Variants in SORCS3 observed in about 807,000 individuals in gnomAD.
SORCS3 encodes sortilin related VPS10 domain containing receptor 3.
SORCS3 carries 57 observed loss-of-function variants against 146.3 expected under a neutral mutation model. The ratio of observed to expected loss-of-function variants is 0.39; its 90% CI spans 0.31 to 0.49. The LOEUF (loss-of-function observed/expected upper bound fraction) is 0.49, where lower values mean the gene tolerates loss of function less well. SORCS3 is among the 20% of genes least tolerant of loss of function. The probability of loss-of-function intolerance (pLI) is 0.92; values close to 1 mark genes in which losing one functional copy is unlikely to be tolerated. For synonymous variants in SORCS3, 653 were observed against 618.5 expected (o/e 1.06, Z -0.83); for missense variants, 1,341 against 1,575.5 (o/e 0.85, Z 2.52).
At chr10:104,775,951 A>G (rs948893477) in intron 1 of SORCS3, among the ~76,000 whole-genome samples, 1 of 152,142 alleles carries the variant, frequency 6.6e-6, no homozygotes, top group African/African-American at 2.4e-5. Context: ...TTTCTTTCCT[A>G]TTCTTTTATT....
intron 4 of SORCS3, among the ~76,000 whole-genome samples, chr10:105,025,259 C>CT (rs747782234): frequency 4.6e-5 from 7 of 152,136 alleles, no homozygotes; most frequent in Non-Finnish European, 8.8e-5. Context: ...GCCCTTTACA[C>CT]TTTAAAAGCA....
intron 1 of SORCS3, among the ~76,000 whole-genome samples, chr10:104,789,282 TC>T (rs1420044849): frequency 6.6e-6 from 1 of 152,182 alleles, no homozygotes; most frequent in Non-Finnish European, 1.5e-5. Flanking sequence ...GCCTTGGGCA[TC>T]TGATAGGTGC....
At chr10:105,040,705 CACCAGGT>C (rs768060010) in intron 4 of SORCS3, among the ~76,000 whole-genome samples, 1,941 of 152,074 alleles carry the variant, frequency 0.013, 25 homozygotes, top group African/African-American at 0.034. Context: ...GTGTTTTATT[CACCAGGT>C]TGGTGAATAA....
At chr10:105,226,268 G>C (rs993989830) in intron 20 of SORCS3, among the ~76,000 whole-genome samples, 1 of 151,806 alleles carries the variant, frequency 6.6e-6, no homozygotes, top group African/African-American at 2.4e-5. Flanking sequence ...TATCATTAAC[G>C]ATGTTAATTT....
At chr10:104,779,886 A>G (rs1007491240) in intron 1 of SORCS3, among the ~76,000 whole-genome samples, 2 of 152,202 alleles carry the variant, frequency 1.3e-5, no homozygotes, top group Non-Finnish European at 2.9e-5. Context: ...AGGGCGGTGT[A>G]TGTCAGTGCT....
rs146399899 is a variant in SORCS3, at chr10:104,830,215, C to T, written c.628-12577C>T. 3.3e-3 allele frequency among the ~76,000 whole-genome samples: 510 copies of T among 152,270 alleles called. 3 individuals are homozygous for T. Among genetic ancestry groups the T allele is most frequent in the African/African-American group, 0.012 (490 of 41,542 alleles). On this transcript the variant is annotated intron_variant, in intron 1 of 26. Coordinates refer to ENST00000369701, the MANE Select transcript of SORCS3 (RefSeq NM_014978.3). ...ATGGCTTCCAGCTTCATCCATGTCC[C>T]TGCAAAGGACATGATCTCATTCTTT...
intron 4 of SORCS3, among the ~76,000 whole-genome samples, chr10:104,978,413 A>G (rs1487895985): frequency 6.6e-6 from 1 of 152,216 alleles, no homozygotes; most frequent in East Asian, 1.9e-4. Context: ...AGCTGCATAC[A>G]TAGCATTGTC....
chr10:104,995,094 T>C (rs2055016397), intron 4 of SORCS3, among the ~76,000 whole-genome samples: 1 of 152,150 alleles, frequency 6.6e-6, no homozygotes, highest in Non-Finnish European at 1.5e-5. Flanking sequence ...TTAGTAACAC[T>C]TGGAATAGCC....
At chr10:105,119,490 A>G in intron 7 of SORCS3, among the ~76,000 whole-genome samples, 1 of 152,172 alleles carries the variant, frequency 6.6e-6, no homozygotes, top group East Asian at 1.9e-4. Flanking sequence ...AGAATGATAG[A>G]TCTACCAACA....
At chr10:105,175,000 T>C (rs2056388107) in intron 13 of SORCS3, among the ~76,000 whole-genome samples, 1 of 152,152 alleles carries the variant, frequency 6.6e-6, no homozygotes, top group African/African-American at 2.4e-5. Context: ...TTCCCTGCAA[T>C]GCTCATGGCA....
At chr10:104,856,699 A>G (rs2018338055) in intron 2 of SORCS3, among the ~76,000 whole-genome samples, 1 of 146,018 alleles carries the variant, frequency 6.8e-6, no homozygotes, top group African/African-American at 2.5e-5. Context: ...CTCCCTTTCT[A>G]TTGCTTTCTC....
intron 25 of SORCS3, among the ~76,000 whole-genome samples, chr10:105,260,811 G>C (rs750416773): frequency 1.3e-5 from 2 of 152,106 alleles, no homozygotes; most frequent in Non-Finnish European, 2.9e-5. Flanking sequence ...ATGGGTGTCC[G>C]ATGTCCCAAG....
intron 3 of SORCS3, among the ~76,000 whole-genome samples, chr10:104,944,748 GAGA>G (rs1414917616): frequency 7.2e-5 from 11 of 152,196 alleles, no homozygotes; most frequent in Non-Finnish European, 1.5e-4. Context: ...ATGCAGTACT[GAGA>G]AGATGTAACT....
intron 22 of SORCS3, among the ~76,000 whole-genome samples, chr10:105,249,802 C>T (rs577688173): frequency 6.6e-6 from 1 of 152,126 alleles, no homozygotes; most frequent in South Asian, 2.1e-4. Flanking sequence ...AGGATAATTG[C>T]TTGAACCCAG....
intron 6 of SORCS3, 60 bp downstream of exon 6, chr10:105,089,899 C>T: frequency 3.0e-6 from 4 of 1,346,256 alleles, no homozygotes; most frequent in Non-Finnish European, 4.3e-6. Context: ...CTCTGTCCTC[C>T]CCCAATTTGC....
intron 1 of SORCS3, among the ~76,000 whole-genome samples, chr10:104,697,131 C>T (rs972856441): frequency 6.6e-6 from 1 of 151,920 alleles, no homozygotes; most frequent in African/African-American, 2.4e-5. Flanking sequence ...TTTTGTTTGA[C>T]AAGTATTTTA....
intron 2 of SORCS3, among the ~76,000 whole-genome samples, chr10:104,882,166 A>G (rs1276706391): frequency 2.0e-5 from 3 of 152,150 alleles, no homozygotes; most frequent in Admixed American, 2.0e-4. Flanking sequence ...TTTCACAACA[A>G]ATTGTGGGTA....
chr10:104,713,264 G>T (rs1410193341), intron 1 of SORCS3, among the ~76,000 whole-genome samples: 1 of 152,124 alleles, frequency 6.6e-6, no homozygotes, highest in Non-Finnish European at 1.5e-5. Flanking sequence ...ACACAAGGTT[G>T]TCATCTTTGT....
At chr10:104,859,519 A>C (rs998441912) in intron 2 of SORCS3, among the ~76,000 whole-genome samples, 1 of 152,230 alleles carries the variant, frequency 6.6e-6, no homozygotes, top group African/African-American at 2.4e-5. Flanking sequence ...CAAGGACTTC[A>C]TGTCTAAAAC....
Sources: gnomAD v4.1 joint callset for allele counts (sites outside exome capture counted in the v4.1 genomes callset) on GRCh38, gnomAD v4.1.1 for gene constraint, MANE v1.5 for transcripts, NCBI Gene and HGNC (gene_info 2026-07-23, HGNC 2026-07-21) for gene names.